The following SEMA3F variants were observed in gnomAD, a reference collection of about 807,000 sequenced individuals.
SEMA3F encodes semaphorin-3F.
In SEMA3F, 30 loss-of-function variants were observed where a neutral mutation model predicts 98.5. The ratio of observed to expected loss-of-function variants is 0.30; its 90% confidence interval spans 0.23 to 0.41. The LOEUF (loss-of-function observed/expected upper bound fraction) is 0.41, where lower values mean the gene tolerates loss of function less well. Among genes scored for constraint, SEMA3F ranks in the 10% least tolerant of loss-of-function variants. The pLI, the probability that SEMA3F is intolerant of heterozygous loss-of-function variation, is 1.00. For synonymous variants in SEMA3F, 380 were observed against 444.8 expected, an observed-to-expected ratio of 0.85 and a Z score of 1.83; for missense variants, 866 against 1,119.3, an observed-to-expected ratio of 0.77 and a Z score of 3.23.
intron 2 of SEMA3F, among the ~76,000 whole-genome samples, chr3:50,170,262 T>C (rs1282023921): frequency 6.6e-6 from 1 of 151,942 alleles, no homozygotes; most frequent in Non-Finnish European, 1.5e-5. Context: ...TTTGGATGAA[T>C]GGTTTGGGAT....
Position 50,185,466 on chromosome 3 carries a change from A to G in SEMA3F, c.1480A>G (p.Ile494Val), listed in dbSNP as rs1460961300. The G allele has an allele frequency of 6.2e-7, 1 of 1,613,374 alleles. No individual in the cohort carries two copies. Among genetic ancestry groups the G allele is most frequent in the Admixed American group, 1.7e-5 (1 of 59,960 alleles). Residue 494 changes from isoleucine to valine, a missense_variant, in exon 14 of 19, where the codon ATT becomes GTT. Transcript: ENST00000002829. ...GTDRGTVQKV[I>V]VLPKDDQELE... The stretch of plus-strand genomic sequence containing the variant: ...AGACCGCGGGACAGTGCAGAAGGTC[A>G]TTGTGCTGCCCAAGGATGACCAGGA...
rs755092522 is a variant in SEMA3F, at chr3:50,173,783, C to T, written c.113-10C>T. ...AAGGTCCTAATTGGTGCCCTGCCCT[C>T]CACCCACAGAGCTGAAGGCCACAGG... On this transcript the variant is annotated splice_polypyrimidine_tract_variant and intron_variant, in intron 2 of 18. Coordinates refer to ENST00000002829, the MANE Select transcript of SEMA3F (RefSeq NM_004186.5). 3.1e-6 allele frequency: 5 copies of T among 1,613,132 alleles called. 1 individual carries two copies. The South Asian group carries it at 5.5e-5, about 18-fold the overall frequency.
intron 2 of SEMA3F, 128 bp downstream of exon 2, chr3:50,159,862 G>C: frequency 3.0e-6 from 2 of 668,218 alleles, no homozygotes; most frequent in South Asian, 1.7e-5. Context: ...CATAGGTTGT[G>C]GGGGAGAAGG....
intron 2 of SEMA3F, among the ~76,000 whole-genome samples, chr3:50,164,341 G>A (rs948816393): frequency 6.6e-6 from 1 of 152,184 alleles, no homozygotes; most frequent in African/African-American, 2.4e-5. Flanking sequence ...TAATCGTAAA[G>A]AATTTAAAGA....
chr3:50,176,955 C>A, intron 7 of SEMA3F, 94 bp downstream of exon 7: 1 of 1,040,468 alleles, frequency 9.6e-7, no homozygotes, highest in Non-Finnish European at 1.5e-6. Flanking sequence ...AGGGCAGAGA[C>A]CATGACTAGG....
rs544236085 is a variant in SEMA3F, at chr3:50,186,536, C to G, written c.1814-77C>G. The stretch of plus-strand genomic sequence containing the variant: ...GCACTACATTGGTGAGTGGGTGCCC[C>G]TCGGTGCCTGCCCCGAAGCAGTCAG... On this transcript the variant is annotated intron_variant, in intron 17 of 18. Coordinates refer to ENST00000002829, the MANE Select transcript of SEMA3F (RefSeq NM_004186.5). 17 of 1,531,818 alleles carry G rather than the reference C, an allele frequency of 1.1e-5. 1 individual carries two copies. In the South Asian group the frequency reaches 2.0e-4, roughly 18 times the overall value. 94.9% of individuals were successfully genotyped at this position (1,531,818 alleles called of 1,614,324 possible).
chr3:50,186,846 C>T (rs1699241751), intron 18 of SEMA3F, 100 bp downstream of exon 18: 8 of 1,256,826 alleles, frequency 6.4e-6, no homozygotes, highest in Non-Finnish European at 8.5e-6. Flanking sequence ...TGCTGTGAAA[C>T]CCCTTCCAAG....
At position 50,182,741 on chromosome 3, in the gene SEMA3F, G is replaced by A. The variant is rs202015002; in HGVS notation, c.861G>A (p.Pro287=). 137 of 1,613,232 alleles carry A rather than the reference G, an allele frequency of 8.5e-5. 1 individual carries two copies. The East Asian group carries it at 2.2e-3, about 26-fold the overall frequency. Residue 287 remains proline (P), a synonymous_variant, in exon 9 of 19, where the codon CCG becomes CCA. Transcript: ENST00000002829. The surrounding 1 kb of genome is among the most constrained non-coding windows in gnomAD (Gnocchi z 4.5). The stretch of plus-strand genomic sequence containing the variant: ...TCCGTGAGCGGTCGGCAGAGGCGCC[G>A]CAGAGCCCCGCGGTGTACGCCCGCA... ...FFFRERSAEA[P]QSPAVYARIG...
chr3:50,183,814 T>A (rs1699108111), intron 12 of SEMA3F, among the ~76,000 whole-genome samples: 1 of 152,092 alleles, frequency 6.6e-6, no homozygotes, highest in Non-Finnish European at 1.5e-5. Context: ...TGGGGCTGTT[T>A]GGGAGCTGAA....
At chr3:50,157,363 C>T (rs1013380415) in intron 1 of SEMA3F, among the ~76,000 whole-genome samples, 2 of 151,928 alleles carry the variant, frequency 1.3e-5, no homozygotes, top group Non-Finnish European at 2.9e-5. Flanking sequence ...CCTCCTCCCT[C>T]CCGCCTGCCT....
chr3:50,159,427 C>T (rs1698120332), intron 1 of SEMA3F, 148 bp from the exon 2 acceptor site: 3 of 528,052 alleles, frequency 5.7e-6, no homozygotes, highest in Non-Finnish European at 9.9e-6. Flanking sequence ...GGCCAAAGAA[C>T]GCACATGAGG....
rs766198052 is a variant in SEMA3F, at chr3:50,188,094, G to A, written c.2337G>A (p.Arg779=). 7.8e-6 allele frequency: 12 copies of A among 1,540,556 alleles called. No individual in the cohort carries two copies. The East Asian group carries it at 2.8e-4, about 36-fold the overall frequency. The change falls in exon 19 of 19, where the codon CGG becomes CGA. Residue 779 remains arginine, a synonymous_variant. Coordinates refer to ENST00000002829, the MANE Select transcript of SEMA3F (RefSeq NM_004186.5). The surrounding 1 kb of genome is among the most constrained non-coding windows in gnomAD (Gnocchi z 4.5). ...ACCAGAAAAAGCCCCGGAACCGCCG[G>A]CACCACCCTCCGGACACATGAGGCC... is the stretch of plus-strand genomic sequence containing the variant. The part of the protein sequence containing the change: ...PQDQKKPRNR[R]HHPPDT
chr3:50,163,625 C>G (rs1698295797), intron 2 of SEMA3F, among the ~76,000 whole-genome samples: 1 of 152,202 alleles, frequency 6.6e-6, no homozygotes, highest in East Asian at 1.9e-4. Context: ...GCCCTCAGGC[C>G]TGGTGCAGGA....
intron 1 of SEMA3F, among the ~76,000 whole-genome samples, chr3:50,157,163 C>G (rs1698017431): frequency 6.6e-6 from 1 of 151,958 alleles, no homozygotes; most frequent in South Asian, 2.1e-4. Flanking sequence ...TGTCCACCCC[C>G]ACCCCCAACT....
At chr3:50,187,568 T>C (rs1699268144) in intron 18 of SEMA3F, 137 bp from the exon 19 acceptor site, 3 of 565,376 alleles carry the variant, frequency 5.3e-6, no homozygotes, top group East Asian at 3.0e-5. Context: ...AGAAACTTCA[T>C]GTGGTTTTTC....
chr3:50,168,511 A>G (rs898838998), intron 2 of SEMA3F, among the ~76,000 whole-genome samples: 4 of 152,124 alleles, frequency 2.6e-5, no homozygotes, highest in African/African-American at 9.7e-5. Context: ...GGGTGTGCCA[A>G]GCAGGAGGAA....
rs1272337119 is a variant in SEMA3F, at chr3:50,186,015, G to C, written c.1714G>C (p.Ala572Pro). 6.2e-7 allele frequency: 1 copy of C among 1,613,782 alleles called. No homozygotes were observed. The highest frequency in any genetic ancestry group is 1.7e-5 in the Admixed American group (1 of 60,002). Residue 572 changes from alanine (A) to proline (P), a missense_variant, in exon 16 of 19, where the codon GCC (alanine) becomes CCC (proline). Ala to Pro is a conservative substitution (Grantham distance 27, BLOSUM62 -1). This residue lies in a region of SEMA3F where 374 missense variants were observed against 582.8 expected (regional missense o/e 0.64). Coordinates refer to ENST00000002829, the MANE Select transcript of SEMA3F (RefSeq NM_004186.5). ...CCCTTACTGTGCCTGGGATGGCCAG[G>C]CCTGCTCCCGCTATACAGCATCCTC... ...RDPYCAWDGQ[A>P]CSRYTASSKR... is the part of the protein sequence containing the mutation.
chr3:50,171,620 G>T (rs3774751), intron 2 of SEMA3F, among the ~76,000 whole-genome samples: 64,700 of 151,992 alleles, frequency 0.43, 14,339 homozygotes, highest in South Asian at 0.69. Flanking sequence ...GCCTGGGGGG[G>T]CTCCACTGGC....
chr3:50,170,839 T>C (rs938647124), intron 2 of SEMA3F, among the ~76,000 whole-genome samples: 2 of 151,946 alleles, frequency 1.3e-5, no homozygotes, highest in Non-Finnish European at 2.9e-5. Flanking sequence ...CGTCACGTCC[T>C]GTGACACCAG....
Sources: gnomAD v4.1 joint callset for allele counts (sites outside exome capture counted in the v4.1 genomes callset) on GRCh38, gnomAD v4.1.1 for gene constraint, gnomAD v4.1.1 regional missense constraint, Gnocchi (gnomAD v3.1) non-coding constraint, MANE v1.5 for transcripts, NCBI Gene and HGNC (gene_info 2026-07-23, HGNC 2026-07-21) for gene names.